The following SOX6 variants were observed in gnomAD, a reference collection of about 807,000 sequenced individuals.
SOX6 encodes SRY-box transcription factor 6.
SOX6 carries 11 observed loss-of-function variants against 97.8 expected under a neutral mutation model. That is an observed-to-expected ratio of 0.11 (90% CI 0.07 to 0.19). The LOEUF is 0.19. Ranked by LOEUF, SOX6 falls within the 10% of genes least tolerant of loss-of-function variation. The pLI, the probability that SOX6 is intolerant of heterozygous loss-of-function variation, is 1.00. For missense variants in SOX6, 810 were observed against 1,039.5 expected, an observed-to-expected ratio of 0.78 and a Z score of 3.04; for synonymous variants, 360 against 371.4, an observed-to-expected ratio of 0.97 and a Z score of 0.35.
intron 4 of SOX6, among the ~76,000 whole-genome samples, chr11:16,540,213 C>T (rs1296802713): frequency 6.6e-6 from 1 of 152,134 alleles, no homozygotes; most frequent in Non-Finnish European, 1.5e-5. Context: ...GAACCAACAA[C>T]AAAAACCACA....
intron 1 of SOX6, among the ~76,000 whole-genome samples, chr11:16,350,486 A>G (rs901442258): frequency 2.6e-5 from 4 of 152,116 alleles, no homozygotes; most frequent in Non-Finnish European, 5.9e-5. Context: ...TTTCCAAGAG[A>G]CACTTCTTAT....
intron 4 of SOX6, among the ~76,000 whole-genome samples, chr11:16,593,037 A>G (rs1848172448): frequency 6.6e-6 from 1 of 152,210 alleles, no homozygotes; most frequent in Admixed American, 6.5e-5. Context: ...TGGAGTTATC[A>G]GCAAGCTATT....
chr11:16,103,947 C>T (rs539989691), intron 7 of SOX6, among the ~76,000 whole-genome samples: 30 of 151,144 alleles, frequency 2.0e-4, no homozygotes, highest in Non-Finnish European at 3.7e-4. Flanking sequence ...ATGGGTGCAC[C>T]AAAATCTCAG....
intron 6 of SOX6, among the ~76,000 whole-genome samples, chr11:16,173,109 G>C (rs1441367796): frequency 6.6e-6 from 1 of 151,896 alleles, no homozygotes; most frequent in Non-Finnish European, 1.5e-5. Context: ...AACATGTATA[G>C]ATATCAGTAA....
At position 16,521,262 on chromosome 11, in the gene SOX6, G is replaced by A. The variant is rs945288758; in HGVS notation, n.610-44874C>T. On this transcript the variant is annotated intron_variant and non_coding_transcript_variant, in intron 4 of 5. Coordinates refer to the SOX6 transcript ENST00000524520. ...GGGCAGACGGACACCTCACACGGCC[G>A]GGTACTCCTCTGAGACAAAACTTCC... 3.9e-5 allele frequency among the ~76,000 whole-genome samples: 6 copies of A among 152,108 alleles called. No individual in the cohort carries two copies. The East Asian group carries it at 5.8e-4, about 15-fold the overall frequency.
intron 1 of SOX6, among the ~76,000 whole-genome samples, chr11:16,415,115 T>C (rs1858900546): frequency 6.6e-6 from 1 of 152,150 alleles, no homozygotes; most frequent in African/African-American, 2.4e-5. Flanking sequence ...TAAGAAAATA[T>C]GAAGTAAGCC....
intron 3 of SOX6, among the ~76,000 whole-genome samples, chr11:16,639,634 C>T (rs866839328): frequency 2.6e-5 from 4 of 152,082 alleles, no homozygotes; most frequent in South Asian, 2.1e-4. Flanking sequence ...CCTTCACATC[C>T]GTTTTAAGTT....
chr11:16,390,736 T>C (rs1858148524), intron 1 of SOX6, among the ~76,000 whole-genome samples: 1 of 152,194 alleles, frequency 6.6e-6, no homozygotes, highest in Admixed American at 6.5e-5. Context: ...GCTTTTACAC[T>C]GTTGGTGGGA....
In SOX6 at chr11:16,526,167, A is replaced by G. The variant is rs1308489165; in HGVS notation, n.610-49779T>C. Among the ~76,000 whole-genome samples the G allele has an allele frequency of 4.6e-5, 7 of 152,186 alleles. No homozygotes were observed. The South Asian group carries it at 1.0e-3, about 22-fold the overall frequency. On this transcript the variant is annotated intron_variant and non_coding_transcript_variant, in intron 4 of 5. Transcript: ENST00000524520. ...CCAAAGGACTATAAATCATGCTGCT[A>G]TAAAGACACATGCACACATATGTTT...
chr11:16,301,406 C>T (rs747254478), intron 3 of SOX6, among the ~76,000 whole-genome samples: 6 of 152,130 alleles, frequency 3.9e-5, no homozygotes, highest in Non-Finnish European at 5.9e-5. Context: ...AGTATATCTA[C>T]TATACCATAG....
chr11:16,387,763 T>A (rs531683898), intron 1 of SOX6, among the ~76,000 whole-genome samples: 1 of 152,298 alleles, frequency 6.6e-6, no homozygotes, highest in Non-Finnish European at 1.5e-5. Flanking sequence ...ATTTTAATTT[T>A]AATTTGTAAA....
chr11:16,635,899 G>A (rs1434870937), intron 3 of SOX6, among the ~76,000 whole-genome samples: 2 of 152,338 alleles, frequency 1.3e-5, no homozygotes, highest in South Asian at 2.1e-4. Context: ...CAAGAATTGA[G>A]GTTTGGGAAC....
Position 16,568,953 on chromosome 11 carries a change from T to C in SOX6, n.609+43128A>G, listed in dbSNP as rs1847906771. On this transcript the variant is annotated intron_variant and non_coding_transcript_variant, in intron 4 of 5. Coordinates refer to the SOX6 transcript ENST00000524520. ...CTTTTACTTTTCATCCTTCTATCTT[T>C]GGTGCCTAGCACAATGTCTATGCTA... Among the ~76,000 whole-genome samples the C allele has an allele frequency of 2.0e-5, 3 of 152,224 alleles. No homozygotes were observed. The South Asian group carries it at 6.2e-4, about 32-fold the overall frequency.
intron 6 of SOX6, among the ~76,000 whole-genome samples, chr11:16,163,081 A>G (rs1850795447): frequency 6.6e-6 from 1 of 152,172 alleles, no homozygotes; most frequent in Non-Finnish European, 1.5e-5. Context: ...AAAGAAAAAT[A>G]AAAGGATCAG....
chr11:16,261,586 G>C (rs1853900118), intron 3 of SOX6, among the ~76,000 whole-genome samples: 1 of 151,826 alleles, frequency 6.6e-6, no homozygotes, highest in Admixed American at 6.6e-5. Context: ...TATACTCTGA[G>C]CACTGAAGTT....
chr11:16,253,394 T>C (rs555899797), intron 3 of SOX6, among the ~76,000 whole-genome samples: 17 of 151,962 alleles, frequency 1.1e-4, no homozygotes, highest in Non-Finnish European at 1.8e-4. Flanking sequence ...GAGTCAAATG[T>C]AGCAGTCCTA....
intron 3 of SOX6, among the ~76,000 whole-genome samples, chr11:16,254,008 T>C (rs1378803343): frequency 6.6e-6 from 1 of 151,866 alleles, no homozygotes; most frequent in African/African-American, 2.4e-5. Flanking sequence ...ACTTAACCTA[T>C]AGAGGAGCAA....
At chr11:16,378,058 TTA>T (rs1162490182) in intron 1 of SOX6, among the ~76,000 whole-genome samples, 1 of 152,270 alleles carries the variant, frequency 6.6e-6, no homozygotes, top group South Asian at 2.1e-4. Flanking sequence ...GTTCAAAAAT[TTA>T]TATGTTAAAT....
At chr11:16,490,044 C>A (rs879515726) in intron 4 of SOX6, among the ~76,000 whole-genome samples, 1 of 151,898 alleles carries the variant, frequency 6.6e-6, no homozygotes, top group African/African-American at 2.4e-5. Context: ...ACATATTGAG[C>A]CCACAAAGTA....
Sources: allele counts gnomAD v4.1 joint callset (sites outside exome capture counted in the v4.1 genomes callset), GRCh38; gene constraint gnomAD v4.1.1; transcripts MANE v1.5; gene names NCBI Gene and HGNC (gene_info 2026-07-23, HGNC 2026-07-21).